The following CCSER1 variants were observed in gnomAD, a reference collection of about 807,000 sequenced individuals.
The protein encoded by CCSER1 is coiled-coil serine rich protein 1.
Under a neutral mutation model 82.0 loss-of-function variants are expected in CCSER1, and 41 were observed. The ratio of observed to expected loss-of-function variants is 0.50; its 90% CI spans 0.39 to 0.65. CCSER1 has a LOEUF of 0.65. CCSER1 is among the 30% of genes least tolerant of loss of function. The pLI, the probability that CCSER1 is intolerant of heterozygous loss-of-function variation, is 0.00. For missense variants in CCSER1, 1,119 were observed against 1,064.2 expected (o/e 1.05, Z -0.72); for synonymous variants, 414 against 383.9 (o/e 1.08, Z -0.92).
chr4:90,816,554 A>T (rs1488984826), intron 8 of CCSER1, among the ~76,000 whole-genome samples: 2 of 152,054 alleles, frequency 1.3e-5, no homozygotes, highest in Non-Finnish European at 2.9e-5. Flanking sequence ...TATAAATTTT[A>T]AAAGATAGTA....
At chr4:91,515,196 C>CT (rs928924880) in intron 10 of CCSER1, among the ~76,000 whole-genome samples, 1 of 151,798 alleles carries the variant, frequency 6.6e-6, no homozygotes, top group Middle Eastern at 3.4e-3. Context: ...TTGGATTTTG[C>CT]TTTTTTTTCT....
intron 8 of CCSER1, among the ~76,000 whole-genome samples, chr4:90,879,996 A>G (rs184491306): frequency 2.0e-5 from 3 of 152,300 alleles, no homozygotes; most frequent in African/African-American, 2.4e-5. Flanking sequence ...ATGCTAGCAA[A>G]GTATTTTTTG....
intron 5 of CCSER1, among the ~76,000 whole-genome samples, chr4:90,623,862 T>C (rs943613701): frequency 5.9e-5 from 9 of 152,220 alleles, no homozygotes; most frequent in African/African-American, 1.7e-4. Flanking sequence ...ATAGTTTCTG[T>C]TAGGTTCTGG....
rs536481519 is a variant in CCSER1, at chr4:90,325,373, A to G, written c.1509+12326A>G. Among the ~76,000 whole-genome samples the G allele has an allele frequency of 3.3e-5, 5 of 152,348 alleles. No homozygotes were observed. In the South Asian group the frequency reaches 1.0e-3, roughly 32 times the overall value. On this transcript the variant is annotated intron_variant, in intron 3 of 10. Transcript: ENST00000509176. ...CTTTTACCTGTAACCCTACGAATCT[A>G]GGATATACTTTAGATATTAATAGTT...
intron 10 of CCSER1, among the ~76,000 whole-genome samples, chr4:91,257,901 C>T (rs561633455): frequency 3.3e-4 from 50 of 152,130 alleles, no homozygotes; most frequent in Admixed American, 2.3e-3. Context: ...TAACTTTACT[C>T]ATAAATATTT....
chr4:91,357,882 C>CG (rs987392052), intron 10 of CCSER1, among the ~76,000 whole-genome samples: 2 of 72,804 alleles, frequency 2.7e-5, no homozygotes, highest in East Asian at 1.2e-3. Flanking sequence ...GCCTGCCCCC[C>CG]CCCCCTTTTT....
chr4:91,182,575 T>G (rs1023365182), intron 10 of CCSER1, among the ~76,000 whole-genome samples: 1 of 152,252 alleles, frequency 6.6e-6, no homozygotes, highest in Admixed American at 6.5e-5. Context: ...TCCTTGAGAA[T>G]TGTATGGGAT....
At chr4:90,965,863 A>G (rs980814570) in intron 9 of CCSER1, among the ~76,000 whole-genome samples, 2 of 152,126 alleles carry the variant, frequency 1.3e-5, no homozygotes, top group Non-Finnish European at 2.9e-5. Flanking sequence ...ATGTCTAAAG[A>G]ACTAAACGAA....
chr4:91,579,255 AG>A (rs960444950), intron 10 of CCSER1, among the ~76,000 whole-genome samples: 3 of 151,498 alleles, frequency 2.0e-5, no homozygotes, highest in African/African-American at 7.3e-5. Flanking sequence ...TTTCACATTC[AG>A]GGGGTACATG....
intron 7 of CCSER1, among the ~76,000 whole-genome samples, chr4:90,732,439 C>T (rs1362250695): frequency 6.6e-6 from 1 of 152,152 alleles, no homozygotes; most frequent in African/African-American, 2.4e-5. Flanking sequence ...AGGCCAGTAG[C>T]AACTCAGCAC....
intron 1 of CCSER1, among the ~76,000 whole-genome samples, chr4:90,220,375 G>A (rs921829014): frequency 6.6e-6 from 1 of 151,684 alleles, no homozygotes. Flanking sequence ...GCTTCTCTGG[G>A]GCTTATTCTT....
chr4:90,818,212 A>G (rs888261756), intron 8 of CCSER1, among the ~76,000 whole-genome samples: 1 of 151,952 alleles, frequency 6.6e-6, no homozygotes, highest in Non-Finnish European at 1.5e-5. Context: ...AATAGTGGGA[A>G]GAGTTGTAAA....
At chr4:90,440,615 G>A (rs1056195135) in intron 4 of CCSER1, among the ~76,000 whole-genome samples, 1 of 152,154 alleles carries the variant, frequency 6.6e-6, no homozygotes, top group Non-Finnish European at 1.5e-5. Context: ...TTGTGTAAGG[G>A]TAGGGTAGGC....
intron 1 of CCSER1, among the ~76,000 whole-genome samples, chr4:90,294,493 C>T (rs1180412232): frequency 6.6e-6 from 1 of 151,924 alleles, no homozygotes; most frequent in African/African-American, 2.4e-5. Context: ...TGTATTTTGT[C>T]GAACTTGGTG....
chr4:91,167,310 C>T (rs561998120), intron 10 of CCSER1, among the ~76,000 whole-genome samples: 32 of 151,554 alleles, frequency 2.1e-4, no homozygotes, highest in Non-Finnish European at 4.1e-4. Flanking sequence ...CTCAGCCTCC[C>T]GAGTAGCTGG....
intron 1 of CCSER1, among the ~76,000 whole-genome samples, chr4:90,280,192 A>C (rs1211947081): frequency 2.0e-5 from 3 of 152,052 alleles, no homozygotes; most frequent in Non-Finnish European, 2.9e-5. Flanking sequence ...TCTGATTTCA[A>C]GAACCTATAG....
At chr4:90,730,993 A>G (rs1744608379) in intron 7 of CCSER1, among the ~76,000 whole-genome samples, 1 of 152,172 alleles carries the variant, frequency 6.6e-6, no homozygotes, top group Non-Finnish European at 1.5e-5. Flanking sequence ...TGACATAATC[A>G]GACTATTGTT....
At position 90,376,872 on chromosome 4, in the gene CCSER1, A is replaced by C. The variant is rs550669888; in HGVS notation, c.1510-23164A>C. Among the ~76,000 whole-genome samples, 160 of 152,328 alleles carry C rather than the reference A, an allele frequency of 1.1e-3. 1 individual carries two copies. Among genetic ancestry groups the C allele is most frequent in the Middle Eastern group, 3.4e-3 (1 of 294 alleles). On this transcript the variant is annotated intron_variant, in intron 3 of 10. Coordinates refer to ENST00000509176, the MANE Select transcript of CCSER1 (RefSeq NM_001145065.2). ...ACATAATATTTTTAAGGATATTTGTACAGTGAACAGACTTTGAAGGTAGAG... is the reference window on the plus strand; with the variant it reads ...ACATAATATTTTTAAGGATATTTGTCCAGTGAACAGACTTTGAAGGTAGAG...
Position 90,308,490 on chromosome 4 carries a change from G to A in CCSER1, c.206G>A (p.Ser69Asn), listed in dbSNP as rs757681795. The A allele has an allele frequency of 1.2e-6, 2 of 1,613,850 alleles. No homozygotes were observed. Among genetic ancestry groups the A allele is most frequent in the South Asian group, 2.2e-5 (2 of 91,072 alleles). ...AGCATATTCCGTACTCCTTCCATTA[G>A]CTTCCACCATAAGAAGGGGAGTGAG... ...RRSIFRTPSI[S>N]FHHKKGSEPK... Residue 69 changes from serine to asparagine, a missense_variant, in exon 2 of 11, where the codon AGC (serine) becomes AAC (asparagine). Coordinates refer to ENST00000509176, the MANE Select transcript of CCSER1 (RefSeq NM_001145065.2).
Sources: gnomAD v4.1 joint callset for allele counts (sites outside exome capture counted in the v4.1 genomes callset) on GRCh38, gnomAD v4.1.1 for gene constraint, MANE v1.5 for transcripts, NCBI Gene and HGNC (gene_info 2026-07-23, HGNC 2026-07-21) for gene names.